The following SMG6 variants were observed in gnomAD, a reference collection of about 807,000 sequenced individuals.
SMG6 encodes telomerase-binding protein EST1A.
A neutral mutation model predicts 142.2 loss-of-function variants in SMG6; 66 were observed. That is an observed-to-expected ratio of 0.46 (90% CI 0.38 to 0.57). The LOEUF is 0.57. Among genes scored for constraint, SMG6 ranks in the 20% least tolerant of loss-of-function variants. The pLI is 0.00. For synonymous variants in SMG6, 779 were observed against 702.4 expected, an observed-to-expected ratio of 1.11 and a Z score of -1.72; for missense variants, 1,793 against 1,832.0, an observed-to-expected ratio of 0.98 and a Z score of 0.39.
intron 2 of SMG6, among the ~76,000 whole-genome samples, chr17:2,298,385 T>C (rs1055305898): frequency 6.6e-6 from 1 of 152,174 alleles, no homozygotes; most frequent in African/African-American, 2.4e-5. Context: ...TTAAAGATAA[T>C]TTTTTCTTAA....
intron 13 of SMG6, among the ~76,000 whole-genome samples, chr17:2,097,231 T>TA (rs1345504022): frequency 6.6e-6 from 1 of 151,898 alleles, no homozygotes; most frequent in Non-Finnish European, 1.5e-5. Flanking sequence ...CACGGCTCAC[T>TA]ACAGCCTCGA....
chr17:2,116,510 T>TTTGAGGTCAGGAGTTCC (rs2069511356), intron 13 of SMG6, among the ~76,000 whole-genome samples: 3 of 151,824 alleles, frequency 2.0e-5, no homozygotes, highest in African/African-American at 4.8e-5. Context: ...GGGTCAGGAG[T>TTTGAGGTCAGGAGTTCC]TTGAGGTCAG....
intron 13 of SMG6, among the ~76,000 whole-genome samples, chr17:2,103,648 G>C (rs1473253720): frequency 1.3e-5 from 2 of 152,164 alleles, no homozygotes; most frequent in Non-Finnish European, 2.9e-5. Flanking sequence ...GCAGGCAGTG[G>C]GGAACGGCTG....
intron 10 of SMG6, among the ~76,000 whole-genome samples, chr17:2,210,175 T>A (rs1435064872): frequency 1.3e-5 from 2 of 152,112 alleles, no homozygotes. Flanking sequence ...CAGTTCAATT[T>A]CTCCCTCTGC....
At chr17:2,171,398 C>G (rs933148101) in intron 13 of SMG6, among the ~76,000 whole-genome samples, 1 of 147,598 alleles carries the variant, frequency 6.8e-6, no homozygotes, top group Non-Finnish European at 1.5e-5. Flanking sequence ...AAATTAAATA[C>G]GATTATATAT....
At chr17:2,233,040 A>G (rs2073544251) in intron 10 of SMG6, 1 of 152,260 alleles carries the variant, frequency 6.6e-6, no homozygotes, top group Non-Finnish European at 1.5e-5. Context: ...ATATTGCAGA[A>G]AGAAGATAGT....
intron 13 of SMG6, among the ~76,000 whole-genome samples, chr17:2,114,959 T>TAAAATAAAATAA (rs1491429098): frequency 4.1e-5 from 3 of 73,254 alleles, no homozygotes; most frequent in East Asian, 5.1e-4. Context: ...AATAAAAAAA[T>TAAAATAAAATAA]GAAATGAAAT....
intron 13 of SMG6, among the ~76,000 whole-genome samples, chr17:2,136,504 G>A (rs1465228408): frequency 6.6e-6 from 1 of 152,092 alleles, no homozygotes; most frequent in Admixed American, 6.5e-5. Flanking sequence ...GCCTGCTCCT[G>A]ACACTCCTTG....
chr17:2,303,691 G>A lies in SMG6; in HGVS notation c.30C>T (p.Ile10=), dbSNP rs2075343786. ...GGATCCCGCGCAGCTCCGACGCGGA[G>A]ATCCGCACACGCTCCAGCCCTTCCG... MAEGLERVR[I]SASELRGILA... Residue 10 remains isoleucine, a synonymous_variant, in exon 1 of 19, where the codon ATC becomes ATT. Transcript: ENST00000263073. The A allele has an allele frequency of 4.0e-6, 6 of 1,496,970 alleles. No individual in the cohort carries two copies. The African/African-American group carries it at 4.3e-5, about 11-fold the overall frequency. The allele number at this position is 1,496,970 out of a possible 1,614,324, so 92.7% of individuals were successfully genotyped here.
chr17:2,126,213 A>C (rs888423453), intron 13 of SMG6, among the ~76,000 whole-genome samples: 30 of 152,168 alleles, frequency 2.0e-4, no homozygotes, highest in Non-Finnish European at 4.0e-4. Context: ...AGTCTTTTCA[A>C]TAAAAAGAGC....
intron 10 of SMG6, among the ~76,000 whole-genome samples, chr17:2,212,434 C>T (rs2072892733): frequency 6.6e-6 from 1 of 152,136 alleles, no homozygotes; most frequent in African/African-American, 2.4e-5. Context: ...TATATTGCTG[C>T]AGATCAATCG....
At chr17:2,259,259 T>C (rs2074260361) in intron 8 of SMG6, among the ~76,000 whole-genome samples, 1 of 151,154 alleles carries the variant, frequency 6.6e-6, no homozygotes, top group South Asian at 2.1e-4. Context: ...AAGTAAATAC[T>C]TCCAGTCCAG....
chr17:2,299,890 T>C lies in SMG6; in HGVS notation c.863A>G (p.Glu288Gly). 1 of 1,614,148 alleles carries C rather than the reference T, an allele frequency of 6.2e-7. No homozygotes were observed. Among genetic ancestry groups the C allele is most frequent in the South Asian group, 1.1e-5 (1 of 91,078 alleles). The change falls in exon 2 of 19, where the codon GAG becomes GGG. Residue 288 changes from glutamate to glycine, a missense_variant. Around this residue, in one of 3 missense-constraint regions of SMG6, gnomAD observed 1,597 missense variants for 1,584.6 expected, o/e 1.01. Coordinates refer to ENST00000263073, the MANE Select transcript of SMG6 (RefSeq NM_017575.5). The surrounding 1 kb of genome is among the most constrained non-coding windows in gnomAD (Gnocchi z 4.3). Reference protein sequence around the residue: ...CRRRRQDRTKERPRLKKQVSV... With the variant: ...CRRRRQDRTKGRPRLKKQVSV... ...CACTTGCTTCTTCAGTCGTGGCCTC[T>C]CCTTGGTCCTATCCTGTCGGCGGCG...
intron 13 of SMG6, among the ~76,000 whole-genome samples, chr17:2,130,755 A>C (rs1486440859): frequency 6.6e-6 from 1 of 151,940 alleles, no homozygotes; most frequent in Non-Finnish European, 1.5e-5. Flanking sequence ...TTTAAAAAAA[A>C]AAAAACATCA....
intron 18 of SMG6, 115 bp downstream of exon 18, chr17:2,064,958 G>A: frequency 1.2e-6 from 1 of 817,872 alleles, no homozygotes; most frequent in Non-Finnish European, 2.0e-6. Flanking sequence ...CCTGAGCACT[G>A]ATTCCTTAGA....
At chr17:2,145,643 C>CAAAAAA (rs61451940) in intron 13 of SMG6, among the ~76,000 whole-genome samples, 414 of 23,750 alleles carry the variant, frequency 0.017, 56 homozygotes, top group South Asian at 0.031. Flanking sequence ...TCCATCTCCC[C>CAAAAAA]AAAAAAAAAA....
In SMG6 at chr17:2,298,021, G is replaced by A; in HGVS notation, c.1882C>T (p.Leu628=). The change falls in exon 3 of 19, where the codon CTA becomes TTA. Residue 628 remains leucine (L), a synonymous_variant. Coordinates refer to ENST00000263073, the MANE Select transcript of SMG6 (RefSeq NM_017575.5). ...ELLQLYERCI[L]LDIEFSDNQN... is the part of the protein sequence containing the mutation. ...TTATCAGAGAACTCAATATCTAATA[G>A]AATACAGCGCTCATATAGCTGCAGC... 6.2e-7 allele frequency: 1 copy of A among 1,612,314 alleles called. No homozygotes were observed. Among genetic ancestry groups the A allele is most frequent in the South Asian group, 1.1e-5 (1 of 90,930 alleles).
intron 10 of SMG6, among the ~76,000 whole-genome samples, chr17:2,232,345 C>A (rs2073521600): frequency 6.6e-6 from 1 of 152,160 alleles, no homozygotes; most frequent in African/African-American, 2.4e-5. Context: ...TACGGAGGCA[C>A]GTGGAGAAAG....
intron 13 of SMG6, among the ~76,000 whole-genome samples, chr17:2,156,140 A>G (rs1042220440): frequency 6.6e-6 from 1 of 150,574 alleles, no homozygotes; most frequent in Admixed American, 6.6e-5. Flanking sequence ...CTGTAATCCC[A>G]GCACTTCGGG....
Sources: gnomAD v4.1 joint callset for allele counts (sites outside exome capture counted in the v4.1 genomes callset) on GRCh38, gnomAD v4.1.1 for gene constraint, gnomAD v4.1.1 regional missense constraint, Gnocchi (gnomAD v3.1) non-coding constraint, MANE v1.5 for transcripts, NCBI Gene and HGNC (gene_info 2026-07-23, HGNC 2026-07-21) for gene names.